The following RPTOR variants were observed in gnomAD, a reference collection of about 807,000 sequenced individuals.
RPTOR encodes the protein regulatory-associated protein of mTOR.
In RPTOR, 21 loss-of-function variants were observed where a neutral mutation model predicts 169.9. The observed-to-expected ratio is 0.12, with a 90% CI of 0.09 to 0.18. The LOEUF (loss-of-function observed/expected upper bound fraction) is 0.18. Among genes scored for constraint, RPTOR ranks in the 10% least tolerant of loss-of-function variants. The pLI is 1.00. For missense variants in RPTOR, 1,133 were observed against 1,855.9 expected, an observed-to-expected ratio of 0.61 and a Z score of 7.16; for synonymous variants, 732 against 753.2, an observed-to-expected ratio of 0.97 and a Z score of 0.46.
At chr17:80,750,996 AATTTG>A (rs1325380686) in intron 5 of RPTOR, among the ~76,000 whole-genome samples, 9 of 152,116 alleles carry the variant, frequency 5.9e-5, no homozygotes, top group Non-Finnish European at 1.0e-4. Flanking sequence ...AGTATATGAG[AATTTG>A]ATTTGTACTC....
At chr17:80,760,300 C>CTTTTTTTTTTTTTTTTTTTTTTTTTTTTT (rs1479994551) in intron 6 of RPTOR, among the ~76,000 whole-genome samples, 1 of 96,500 alleles carries the variant, frequency 1.0e-5, no homozygotes. Flanking sequence ...TTTCTTTTTT[C>CTTTTTTTTTTTTTTTTTTTTTTTTTTTTT]TTTTTTCTTT....
intron 3 of RPTOR, among the ~76,000 whole-genome samples, chr17:80,644,789 C>T (rs1381285040): frequency 6.6e-6 from 1 of 152,134 alleles, no homozygotes; most frequent in African/African-American, 2.4e-5. Flanking sequence ...TGAATTTTTT[C>T]CTGCCTTTAA....
chr17:80,738,055 G>A (rs368800880), intron 5 of RPTOR, among the ~76,000 whole-genome samples: 51 of 152,286 alleles, frequency 3.3e-4, no homozygotes, highest in Middle Eastern at 3.4e-3. Context: ...GTGGGCTGGC[G>A]AGCTGACTTG....
intron 3 of RPTOR, among the ~76,000 whole-genome samples, chr17:80,662,744 A>G (rs577507614): frequency 1.3e-5 from 2 of 152,326 alleles, no homozygotes; most frequent in African/African-American, 4.8e-5. Flanking sequence ...GGGTATCATT[A>G]GTGACATCTA....
Position 80,965,508 on chromosome 17 carries a change from C to G in RPTOR, c.*1178C>G. On this transcript the variant is annotated 3_prime_UTR_variant, in exon 34 of 34. Transcript: ENST00000306801. ...GAGCAGTTTTGCAAACAGAACACAA[C>G]CACAATGATGGTATTTTGAAAAGTG... is the stretch of plus-strand genomic sequence containing the variant. 2 of 233,376 alleles carry G rather than the reference C, an allele frequency of 8.6e-6. No individual in the cohort carries two copies. Among genetic ancestry groups the G allele is most frequent in the Non-Finnish European group, 1.7e-5 (2 of 118,080 alleles). 14.5% of individuals were successfully genotyped at this position (233,376 alleles called of 1,614,324 possible).
At chr17:80,825,689 C>T (rs1179480194) in intron 9 of RPTOR, among the ~76,000 whole-genome samples, 3 of 152,228 alleles carry the variant, frequency 2.0e-5, no homozygotes, top group South Asian at 2.1e-4. Flanking sequence ...AAGGGTGCCT[C>T]GCAGCCCCTC....
At chr17:80,663,802 C>A (rs2065742786) in intron 3 of RPTOR, among the ~76,000 whole-genome samples, 1 of 151,926 alleles carries the variant, frequency 6.6e-6, no homozygotes, top group Admixed American at 6.6e-5. Flanking sequence ...CTTGTGCCTT[C>A]CTCTGCTTGA....
intron 6 of RPTOR, among the ~76,000 whole-genome samples, chr17:80,779,732 T>C (rs1243164529): frequency 6.6e-6 from 1 of 152,170 alleles, no homozygotes; most frequent in Non-Finnish European, 1.5e-5. Context: ...GTGGGACAGA[T>C]TGAACCAGCT....
intron 4 of RPTOR, among the ~76,000 whole-genome samples, chr17:80,715,056 A>G (rs973960058): frequency 1.3e-5 from 2 of 152,250 alleles, no homozygotes; most frequent in African/African-American, 2.4e-5. Flanking sequence ...GGAAACAGAA[A>G]ATGCTGAGCA....
At chr17:80,606,116 G>A (rs923846786) in intron 1 of RPTOR, among the ~76,000 whole-genome samples, 1 of 151,934 alleles carries the variant, frequency 6.6e-6, no homozygotes, top group Non-Finnish European at 1.5e-5. Context: ...GGTTCACGCC[G>A]TTCTCCTGCC....
intron 6 of RPTOR, among the ~76,000 whole-genome samples, chr17:80,780,519 G>T (rs370584947): frequency 6.6e-6 from 1 of 152,180 alleles, no homozygotes. Context: ...CCTCAGAGGC[G>T]GTCCGGGCTA....
rs548691408 is a variant in RPTOR, at chr17:80,583,615, G to A, written c.162+37824G>A. Among the ~76,000 whole-genome samples, 10 of 152,220 alleles carry A rather than the reference G, an allele frequency of 6.6e-5. No individual in the cohort carries two copies. The East Asian group carries it at 9.7e-4, about 15-fold the overall frequency. On this transcript the variant is annotated intron_variant, in intron 1 of 33. Coordinates refer to ENST00000306801, the MANE Select transcript of RPTOR (RefSeq NM_020761.3). ...CACCTATGCTCCCGGGAGCCGTCCCGCCTCTTGCCTTCAGTCTTCATCTGT... is the reference window on the plus strand; with the variant it reads ...CACCTATGCTCCCGGGAGCCGTCCCACCTCTTGCCTTCAGTCTTCATCTGT...
chr17:80,629,800 C>G (rs1429721313), intron 2 of RPTOR, among the ~76,000 whole-genome samples: 1 of 145,006 alleles, frequency 6.9e-6, no homozygotes, highest in Non-Finnish European at 1.5e-5. Flanking sequence ...TTGTGTCTCT[C>G]TCTTCTGGGA....
intron 12 of RPTOR, 51 bp from the exon 13 acceptor site, chr17:80,857,739 C>T (rs1196708494): frequency 7.2e-7 from 1 of 1,389,524 alleles, no homozygotes; most frequent in Non-Finnish European, 1.0e-6. Context: ...CCTGCTGCTG[C>T]CCGTTCCCTT....
At chr17:80,640,754 C>A (rs2065546852) in intron 2 of RPTOR, among the ~76,000 whole-genome samples, 1 of 152,140 alleles carries the variant, frequency 6.6e-6, no homozygotes, top group South Asian at 2.1e-4. Context: ...CCTGGACTTT[C>A]CAAGGGGTGA....
intron 9 of RPTOR, among the ~76,000 whole-genome samples, chr17:80,824,867 G>C (rs2067421261): frequency 6.6e-6 from 1 of 152,284 alleles, no homozygotes; most frequent in African/African-American, 2.4e-5. Context: ...TCAAAGACCA[G>C]AGCCAGAGCA....
intron 11 of RPTOR, among the ~76,000 whole-genome samples, chr17:80,850,474 G>A (rs752544165): frequency 1.3e-5 from 2 of 152,148 alleles, no homozygotes; most frequent in African/African-American, 2.4e-5. Flanking sequence ...GGGTGATCTC[G>A]GCTCACTGCA....
intron 3 of RPTOR, among the ~76,000 whole-genome samples, chr17:80,704,419 A>C (rs1320811154): frequency 2.6e-5 from 4 of 152,222 alleles, no homozygotes; most frequent in African/African-American, 9.7e-5. Context: ...TGAATCCATC[A>C]CATCAGTGAT....
rs775495039 is a variant in RPTOR at position 80,775,615 on chromosome 17, T to C, written c.831-15835T>C. ...TGCCTAACCCATCAAAGGTGCAGCA[T>C]TGTTGGGCACAGGATGAAAAACAGA... On this transcript the variant is annotated intron_variant, in intron 6 of 33. Transcript: ENST00000306801. Among the ~76,000 whole-genome samples, 128 of 152,230 alleles carry C rather than the reference T, an allele frequency of 8.4e-4. 1 individual carries two copies. Among genetic ancestry groups the C allele is most frequent in the Non-Finnish European group, 1.6e-4 (11 of 68,034 alleles).
Sources: allele counts gnomAD v4.1 joint callset (sites outside exome capture counted in the v4.1 genomes callset), GRCh38; gene constraint gnomAD v4.1.1; transcripts MANE v1.5; gene names NCBI Gene and HGNC (gene_info 2026-07-23, HGNC 2026-07-21).